Variants in PRSS12 observed in about 807,000 individuals in gnomAD.
PRSS12 encodes neurotrypsin.
PRSS12 carries 85 observed loss-of-function variants against 104.4 expected under a neutral mutation model. The observed-to-expected ratio is 0.81, with a 90% CI of 0.68 to 0.98. PRSS12 has a LOEUF of 0.98. Ranked by LOEUF, PRSS12 falls within the 50% of genes least tolerant of loss-of-function variation. The pLI, the probability that PRSS12 is intolerant of heterozygous loss-of-function variation, is 0.00. For missense variants in PRSS12, 1,141 were observed against 1,139.2 expected (o/e 1.00, Z -0.02); for synonymous variants, 454 against 425.2 (o/e 1.07, Z -0.83).
chr4:118,316,404 T>C, intron 5 of PRSS12, 81 bp from the exon 6 acceptor site: 2 of 1,566,088 alleles, frequency 1.3e-6, no homozygotes, highest in Non-Finnish European at 1.7e-6. Context: ...TCACAAGAAA[T>C]ATCACCATAT....
chr4:118,283,888 C>T lies in PRSS12; in HGVS notation c.2040-777G>A, dbSNP rs74501997. Among the ~76,000 whole-genome samples, 999 of 152,214 alleles carry T rather than the reference C, an allele frequency of 6.6e-3. 25 individuals carry two copies. In the East Asian group the frequency reaches 0.084, roughly 13 times the overall value. ...GTCAGAGATATCTTTGTTGTGTTCA[C>T]TGATTAATCTAAAACACCTAAAATA... On this transcript the variant is annotated intron_variant, in intron 11 of 12. Transcript: ENST00000296498.
At position 118,281,782 on chromosome 4, in the gene PRSS12, A is replaced by G. The variant is rs1742862601; in HGVS notation, c.*154T>C. ...ACTGAGGCCTCTGAAAATGTTCACA[A>G]ATTTCTCAAAAGCAGCAGGGGGTAC... is the stretch of plus-strand genomic sequence containing the variant. On this transcript the variant is annotated 3_prime_UTR_variant, in exon 13 of 13. Coordinates refer to ENST00000296498, the MANE Select transcript of PRSS12 (RefSeq NM_003619.4). The G allele has an allele frequency of 4.5e-6, 3 of 660,502 alleles. No individual in the cohort carries two copies. In the South Asian group the frequency reaches 5.0e-5, roughly 11 times the overall value. The allele number at this position is 660,502 out of a possible 1,614,324, so 40.9% of individuals were successfully genotyped here. A position where few individuals can be genotyped will look rare whatever the true frequency, so the allele number is the denominator to read the frequency against.
At chr4:118,302,850 T>C (rs1743435617) in intron 8 of PRSS12, among the ~76,000 whole-genome samples, 1 of 152,240 alleles carries the variant, frequency 6.6e-6, no homozygotes. Flanking sequence ...CATAAGATTG[T>C]TGAGATTGTT....
intron 6 of PRSS12, among the ~76,000 whole-genome samples, chr4:118,314,073 A>T (rs1033436979): frequency 2.6e-5 from 4 of 152,162 alleles, no homozygotes; most frequent in African/African-American, 9.7e-5. Flanking sequence ...AAAATTTTTT[A>T]AATTAGAAAT....
At chr4:118,321,940 TA>T (rs1723637460) in intron 4 of PRSS12, among the ~76,000 whole-genome samples, 1 of 152,166 alleles carries the variant, frequency 6.6e-6, no homozygotes, top group African/African-American at 2.4e-5. Flanking sequence ...GATTATAAGG[TA>T]ACGGCCCAGA....
At chr4:118,339,276 A>C (rs1295259691) in intron 1 of PRSS12, among the ~76,000 whole-genome samples, 1 of 152,180 alleles carries the variant, frequency 6.6e-6, no homozygotes, top group Admixed American at 6.5e-5. Flanking sequence ...AATCACCTAC[A>C]ATGGCCTTTC....
chr4:118,293,642 A>C (rs1056837245), intron 11 of PRSS12, among the ~76,000 whole-genome samples: 1 of 152,224 alleles, frequency 6.6e-6, no homozygotes, highest in South Asian at 2.1e-4. Context: ...CAAAGAATTC[A>C]TGAAAGAGGA....
intron 3 of PRSS12, among the ~76,000 whole-genome samples, chr4:118,332,109 T>C (rs897564033): frequency 6.6e-6 from 1 of 152,184 alleles, no homozygotes; most frequent in African/African-American, 2.4e-5. Flanking sequence ...AAATTCACTT[T>C]TCCCCAACAA....
intron 12 of PRSS12, 38 bp downstream of exon 12, chr4:118,282,791 GAC>G: frequency 3.1e-6 from 5 of 1,612,058 alleles, no homozygotes; most frequent in Non-Finnish European, 4.2e-6. Flanking sequence ...GATAATACCA[GAC>G]ACAAAAAGGT....
chr4:118,317,997 C>A (rs1400766463), intron 5 of PRSS12, among the ~76,000 whole-genome samples: 1 of 152,158 alleles, frequency 6.6e-6, no homozygotes, highest in Admixed American at 6.5e-5. Flanking sequence ...TCAACAATTG[C>A]ATCAATACCA....
chr4:118,311,190 G>A (rs1028282579), intron 7 of PRSS12, among the ~76,000 whole-genome samples: 3 of 152,084 alleles, frequency 2.0e-5, no homozygotes, highest in Non-Finnish European at 4.4e-5. Flanking sequence ...ATATTAAAAC[G>A]AGAAATCCAT....
intron 1 of PRSS12, among the ~76,000 whole-genome samples, chr4:118,341,061 G>A (rs1724193692): frequency 6.6e-6 from 1 of 152,144 alleles, no homozygotes; most frequent in Non-Finnish European, 1.5e-5. Context: ...GGGACATGAG[G>A]GGAGTTGAGT....
chr4:118,291,227 C>T (rs557382704), intron 11 of PRSS12, among the ~76,000 whole-genome samples: 7 of 152,240 alleles, frequency 4.6e-5, no homozygotes, highest in South Asian at 4.2e-4. Context: ...AGGCCATTCT[C>T]GTCTCTCTAA....
chr4:118,292,768 C>T (rs374830724), intron 11 of PRSS12, among the ~76,000 whole-genome samples: 2 of 152,198 alleles, frequency 1.3e-5, no homozygotes, highest in East Asian at 3.9e-4. Flanking sequence ...CAGGTTTGAT[C>T]AGGCTGGGAA....
chr4:118,283,966 T>C (rs1166047801), intron 11 of PRSS12, among the ~76,000 whole-genome samples: 1 of 152,200 alleles, frequency 6.6e-6, no homozygotes, highest in Admixed American at 6.5e-5. Context: ...AGTGAATGCT[T>C]ATTATTAATG....
intron 8 of PRSS12, among the ~76,000 whole-genome samples, chr4:118,299,940 C>A (rs1553954764): frequency 6.8e-6 from 1 of 148,076 alleles, no homozygotes; most frequent in Admixed American, 6.7e-5. Flanking sequence ...GAGATCACGC[C>A]GTTGCGCTCC....
chr4:118,352,784 GA>G lies in PRSS12; in HGVS notation c.-65del. ...TTCTCGGGCTTGGAGCGGAGAAGAGGAGGGGGCGGGGGCGGGGCTGCCGCGT... is the reference window on the plus strand; with the variant it reads ...TTCTCGGGCTTGGAGCGGAGAAGAGGGGGGGCGGGGGCGGGGCTGCCGCGT... On this transcript the variant is annotated 5_prime_UTR_variant, in exon 1 of 13. Coordinates refer to ENST00000296498, the MANE Select transcript of PRSS12 (RefSeq NM_003619.4). 1.3e-6 allele frequency: 2 copies of G among 1,596,460 alleles called. No individual in the cohort carries two copies. Among genetic ancestry groups the G allele is most frequent in the Admixed American group, 1.7e-5 (1 of 57,856 alleles).
At chr4:118,338,452 G>T in intron 1 of PRSS12, 138 bp from the exon 2 acceptor site, 1 of 1,099,372 alleles carries the variant, frequency 9.1e-7, no homozygotes, top group Non-Finnish European at 1.4e-6. Context: ...CACTGTGTGT[G>T]GCATGTGTTT....
At position 118,338,286 on chromosome 4, in the gene PRSS12, A is replaced by G. The variant is rs1423391083; in HGVS notation, c.531T>C (p.Asn177=). The G allele has an allele frequency of 6.2e-7, 1 of 1,613,864 alleles. No homozygotes were observed. The highest frequency in any genetic ancestry group is 8.5e-7 in the Non-Finnish European group (1 of 1,179,960). Residue 177 remains asparagine, a synonymous_variant, in exon 2 of 13, where the codon AAT becomes AAC. Transcript: ENST00000296498. ...HGSVRLRGGK[N]EFEGTVEVYA... ...ATACTTCCACTGTGCCTTCAAACTC[A>G]TTTTTGCCGCCACGAAGTCGTACTG...
Sources: gnomAD v4.1 joint callset for allele counts (sites outside exome capture counted in the v4.1 genomes callset) on GRCh38, gnomAD v4.1.1 for gene constraint, MANE v1.5 for transcripts, NCBI Gene and HGNC (gene_info 2026-07-23, HGNC 2026-07-21) for gene names.